Variants in FAM13B observed in about 807,000 individuals in gnomAD.
FAM13B encodes the protein protein FAM13B.
In FAM13B, 60 loss-of-function variants were observed where a neutral mutation model predicts 117.3. The observed-to-expected ratio is 0.51, with a 90% CI of 0.42 to 0.63. FAM13B has a LOEUF of 0.63. FAM13B is among the 30% of genes least tolerant of loss of function. The pLI is 0.00. For synonymous variants in FAM13B, 332 were observed against 356.1 expected, an observed-to-expected ratio of 0.93 and a Z score of 0.76; for missense variants, 972 against 1,091.9, an observed-to-expected ratio of 0.89 and a Z score of 1.55.
At chr5:137,945,389 T>C (rs1359346839) in intron 20 of FAM13B, among the ~76,000 whole-genome samples, 1 of 152,230 alleles carries the variant, frequency 6.6e-6, no homozygotes, top group Non-Finnish European at 1.5e-5. Flanking sequence ...CAAATACCAA[T>C]AAGCATTATT....
At chr5:137,994,240 C>A (rs565813550) in intron 7 of FAM13B, among the ~76,000 whole-genome samples, 6 of 152,198 alleles carry the variant, frequency 3.9e-5, no homozygotes, top group African/African-American at 1.4e-4. Flanking sequence ...GAGCCTCCCA[C>A]CAGCCATAGT....
chr5:138,009,631 C>G (rs1783450138), intron 6 of FAM13B, among the ~76,000 whole-genome samples: 1 of 151,916 alleles, frequency 6.6e-6, no homozygotes, highest in East Asian at 1.9e-4. Context: ...ATGGCGAAAG[C>G]CTGTCTCTAC....
At chr5:137,965,335 G>A (rs911955437) in intron 10 of FAM13B, among the ~76,000 whole-genome samples, 5 of 152,114 alleles carry the variant, frequency 3.3e-5, no homozygotes, top group Admixed American at 6.5e-5. Context: ...TGGCAGTGGC[G>A]GTGGCAGTGG....
At chr5:137,997,798 G>C (rs1470778563) in intron 7 of FAM13B, among the ~76,000 whole-genome samples, 2 of 152,160 alleles carry the variant, frequency 1.3e-5, no homozygotes, top group Admixed American at 6.5e-5. Context: ...ATAAACCTGA[G>C]AGTCTTCAAA....
rs555990742 is a variant in FAM13B, at chr5:137,970,319, C to G, written c.1180-7850G>C. ...GGGGCCAATATTCAACATTCTTAAACAAAAGAATTTTCAACCCAGAATTTC... is the reference window on the plus strand; with the variant it reads ...GGGGCCAATATTCAACATTCTTAAAGAAAAGAATTTTCAACCCAGAATTTC... On this transcript the variant is annotated intron_variant, in intron 10 of 23. Coordinates refer to ENST00000689681, the MANE Select transcript of FAM13B (RefSeq NM_001385994.1). 4.3e-3 allele frequency among the ~76,000 whole-genome samples: 649 copies of G among 151,938 alleles called. 3 individuals are homozygous for G. Among genetic ancestry groups the G allele is most frequent in the African/African-American group, 0.013 (525 of 41,420 alleles).
Position 138,032,793 on chromosome 5 carries a change from C to T in FAM13B, c.-214G>A, listed in dbSNP as rs1790513148. 1 of 985,686 alleles carries T rather than the reference C, an allele frequency of 1.0e-6. No homozygotes were observed. The allele number at this position is 985,686 out of a possible 1,614,324, so 61.1% of individuals were successfully genotyped here. A position where few individuals can be genotyped will look rare whatever the true frequency, so the allele number is the denominator to read the frequency against. On this transcript the variant is annotated 5_prime_UTR_variant, in exon 1 of 24. Coordinates refer to ENST00000689681, the MANE Select transcript of FAM13B (RefSeq NM_001385994.1). ...GCCCGTTTACCTACCGTTGGAACCG[C>T]GATGCCCCGTTCCCTGGCCGCGGCC...
intron 20 of FAM13B, 54 bp downstream of exon 20, chr5:137,945,848 G>T: frequency 2.3e-6 from 3 of 1,312,274 alleles, no homozygotes; most frequent in Non-Finnish European, 2.2e-6. Context: ...ATTTTTTTTG[G>T]GAAGAGTACA....
chr5:138,029,007 C>T (rs997975070), intron 1 of FAM13B, among the ~76,000 whole-genome samples: 3 of 151,654 alleles, frequency 2.0e-5, no homozygotes, highest in African/African-American at 4.8e-5. Context: ...GGGACAAGAA[C>T]GAGACTTCGT....
At chr5:137,969,831 G>A (rs1339754683) in intron 10 of FAM13B, among the ~76,000 whole-genome samples, 2 of 152,168 alleles carry the variant, frequency 1.3e-5, no homozygotes, top group African/African-American at 2.4e-5. Flanking sequence ...CTCAGGAGCC[G>A]ATGCAATCAA....
chr5:137,994,089 T>C (rs1395981389), intron 7 of FAM13B, among the ~76,000 whole-genome samples: 1 of 152,230 alleles, frequency 6.6e-6, no homozygotes, highest in Non-Finnish European at 1.5e-5. Flanking sequence ...TTTTGCTTCC[T>C]AACCCTTTTA....
At chr5:137,980,526 T>C (rs1775410843) in intron 10 of FAM13B, among the ~76,000 whole-genome samples, 1 of 142,584 alleles carries the variant, frequency 7.0e-6, no homozygotes, top group Admixed American at 7.4e-5. Context: ...CACTGCAACC[T>C]CCACCTCCCA....
At chr5:137,954,041 CTTTTTTTTTT>C (rs369548946) in intron 15 of FAM13B, 115 bp downstream of exon 15, 14 of 388,482 alleles carry the variant, frequency 3.6e-5, no homozygotes, top group East Asian at 8.5e-5. Flanking sequence ...CAATCTCTCT[CTTTTTTTTTT>C]TTTTTTTTTG....
intron 10 of FAM13B, among the ~76,000 whole-genome samples, chr5:137,970,179 C>T (rs188451001): frequency 0.17 from 25,280 of 149,154 alleles, 2,244 homozygotes; most frequent in African/African-American, 0.19. Context: ...AAAGTTGAAA[C>T]GAAGGAAAAA....
intron 10 of FAM13B, among the ~76,000 whole-genome samples, chr5:137,971,625 AG>A (rs1772176183): frequency 6.6e-6 from 1 of 152,044 alleles, no homozygotes; most frequent in African/African-American, 2.4e-5. Context: ...GTAGAACTGA[AG>A]GAAATAGAGA....
intron 10 of FAM13B, among the ~76,000 whole-genome samples, chr5:137,965,859 G>A (rs1769558483): frequency 6.6e-6 from 1 of 152,010 alleles, no homozygotes; most frequent in African/African-American, 2.4e-5. Flanking sequence ...GTTTTGAAGG[G>A]GCACCATCAA....
intron 7 of FAM13B, among the ~76,000 whole-genome samples, chr5:137,989,342 G>A (rs931716822): frequency 3.3e-5 from 5 of 152,198 alleles, no homozygotes; most frequent in African/African-American, 7.2e-5. Flanking sequence ...TCTCAGTAGC[G>A]AAGTGAACAA....
intron 10 of FAM13B, among the ~76,000 whole-genome samples, chr5:137,969,718 T>G (rs1389876817): frequency 6.6e-6 from 1 of 151,564 alleles, no homozygotes; most frequent in Non-Finnish European, 1.5e-5. Context: ...TTGAAAAAAA[T>G]TTAGAAGAAT....
At chr5:138,049,169 T>G (rs992435604) in intron 1 of FAM13B, among the ~76,000 whole-genome samples, 2 of 152,196 alleles carry the variant, frequency 1.3e-5, no homozygotes, top group African/African-American at 2.4e-5. Context: ...CTCGAACTCC[T>G]GGCCTTAAGC....
At chr5:138,041,601 A>G (rs1388251317) in intron 1 of FAM13B, among the ~76,000 whole-genome samples, 1 of 152,218 alleles carries the variant, frequency 6.6e-6, no homozygotes, top group African/African-American at 2.4e-5. Flanking sequence ...ATAAATTCAA[A>G]TATGAGTAAT....
Sources: gnomAD v4.1 joint callset for allele counts (sites outside exome capture counted in the v4.1 genomes callset) on GRCh38, gnomAD v4.1.1 for gene constraint, MANE v1.5 for transcripts, NCBI Gene and HGNC (gene_info 2026-07-23, HGNC 2026-07-21) for gene names.